Variants in MREG observed in about 807,000 individuals in gnomAD.
MREG encodes the protein dilute suppressor protein homolog.
MREG carries 31 observed loss-of-function variants against 28.5 expected under a neutral mutation model. The ratio of observed to expected loss-of-function variants is 1.09; its 90% CI spans 0.82 to 1.47. The LOEUF (loss-of-function observed/expected upper bound fraction) is 1.47. MREG is among the 40% of genes most tolerant of loss of function. The pLI, the probability that MREG is intolerant of heterozygous loss-of-function variation, is 0.00. For missense variants in MREG, 256 were observed against 257.4 expected (o/e 0.99, Z 0.04); for synonymous variants, 106 against 95.2 (o/e 1.11, Z -0.66).
chr2:216,017,257 T>C (rs958397305), upstream of MREG, among the ~76,000 whole-genome samples: 11 of 152,234 alleles, frequency 7.2e-5, no homozygotes, highest in African/African-American at 2.7e-4. Flanking sequence ...CTTGTTAGTA[T>C]ACTAATACTA....
chr2:216,028,510 A>C (rs1295897988), intron 1 of MREG, among the ~76,000 whole-genome samples: 1 of 143,082 alleles, frequency 7.0e-6, no homozygotes, highest in Admixed American at 7.2e-5. Context: ...CCTGGGCAAC[A>C]CAGCAAGACT....
At chr2:216,000,080 G>A (rs1179425274) in intron 1 of MREG, among the ~76,000 whole-genome samples, 1 of 152,252 alleles carries the variant, frequency 6.6e-6, no homozygotes, top group African/African-American at 2.4e-5. Context: ...TGCAGCCAAT[G>A]ATATGCAACC....
intron 2 of MREG, among the ~76,000 whole-genome samples, chr2:215,974,653 C>T (rs1191613239): frequency 6.6e-6 from 1 of 152,030 alleles, no homozygotes; most frequent in Non-Finnish European, 1.5e-5. Context: ...ACTTTACAGG[C>T]AGGGGAGGGG....
intron 1 of MREG, among the ~76,000 whole-genome samples, chr2:216,010,246 G>C (rs925733252): frequency 6.6e-6 from 1 of 151,978 alleles, no homozygotes; most frequent in Admixed American, 6.6e-5. Context: ...CCAGAAGCTG[G>C]AATCAGTGAA....
chr2:215,943,328 A>G lies in MREG; in HGVS notation c.*1535T>C. 2.2e-6 allele frequency: 1 copy of G among 453,416 alleles called. No individual in the cohort carries two copies. Among genetic ancestry groups the G allele is most frequent in the Non-Finnish European group, 4.4e-6 (1 of 225,034 alleles). 28.1% of individuals were successfully genotyped at this position (453,416 alleles called of 1,614,324 possible). ...GACTTCTCAATCTGTAGAGAGAAGC[A>G]AGCTGCATTCACAGCATTGCTCCCT... On this transcript the variant is annotated 3_prime_UTR_variant, in exon 5 of 5. Transcript: ENST00000263268.
rs1328581809 is a variant in MREG at position 216,022,652 on chromosome 2, TC to T, written c.-68+10136del. Among the ~76,000 whole-genome samples, 6 of 152,320 alleles carry T rather than the reference TC, an allele frequency of 3.9e-5. No homozygotes were observed. The East Asian group carries it at 9.6e-4, about 24-fold the overall frequency. On this transcript the variant is annotated intron_variant, in intron 1 of 3. Coordinates refer to the MREG transcript ENST00000420348. ...CAGCCCCAGAGATGAGATTTGGAAT[TC>T]AACCTCTTCCTACCTCCGGAAGACA... is the stretch of plus-strand genomic sequence containing the variant.
chr2:215,946,498 G>A (rs559945497), intron 3 of MREG, among the ~76,000 whole-genome samples: 10 of 152,006 alleles, frequency 6.6e-5, no homozygotes, highest in Non-Finnish European at 1.2e-4. Flanking sequence ...TCACAATCCC[G>A]GGAGAATTGA....
At chr2:216,000,199 T>C (rs1266546698) in intron 1 of MREG, among the ~76,000 whole-genome samples, 1 of 152,078 alleles carries the variant, frequency 6.6e-6, no homozygotes, top group Non-Finnish European at 1.5e-5. Flanking sequence ...ACTTTGCAGA[T>C]AGGGACAAGA....
chr2:216,005,641 C>T (rs1694133094), intron 1 of MREG, among the ~76,000 whole-genome samples: 1 of 151,588 alleles, frequency 6.6e-6, no homozygotes. Flanking sequence ...TGAGTAGACA[C>T]AGGGTTTCAC....
intron 2 of MREG, among the ~76,000 whole-genome samples, chr2:215,978,163 A>C (rs1693308999): frequency 6.6e-6 from 1 of 152,164 alleles, no homozygotes; most frequent in African/African-American, 2.4e-5. Context: ...AAAAGAGAGA[A>C]GAATCAAATA....
At position 216,013,259 on chromosome 2, in the gene MREG, G is replaced by C. The variant is rs1158905825; in HGVS notation, c.69C>G (p.Ala23=). 1 of 1,549,614 alleles carries C rather than the reference G, an allele frequency of 6.5e-7. No individual in the cohort carries two copies. The highest frequency in any genetic ancestry group is 2.4e-5 in the East Asian group (1 of 40,876). ...CCGCECLEER[A]LPEKEPLVSD... ...TGACGAGGGGCTCCTTCTCAGGCAGGGCGCGCTCCTCCAAGCACTCGCACC... is the reference window on the plus strand; with the variant it reads ...TGACGAGGGGCTCCTTCTCAGGCAGCGCGCGCTCCTCCAAGCACTCGCACC... Residue 23 remains alanine, a synonymous_variant, in exon 1 of 5, where the codon GCC becomes GCG. Transcript: ENST00000263268.
At chr2:215,946,237 TAA>T (rs112515028) in intron 3 of MREG, among the ~76,000 whole-genome samples, 4 of 140,104 alleles carry the variant, frequency 2.9e-5, no homozygotes, top group Admixed American at 7.2e-5. Context: ...TTTCATTGTT[TAA>T]AAAAAAAAAA....
intron 3 of MREG, 143 bp downstream of exon 3, chr2:215,946,880 C>T (rs908682857): frequency 8.2e-6 from 5 of 608,332 alleles, no homozygotes; most frequent in Admixed American, 2.8e-5. Flanking sequence ...GATATAAGAG[C>T]AAGATTGGGA....
chr2:215,972,443 G>C (rs1420029296), intron 2 of MREG, among the ~76,000 whole-genome samples: 1 of 152,126 alleles, frequency 6.6e-6, no homozygotes, highest in Non-Finnish European at 1.5e-5. Context: ...AGGAGTTAGA[G>C]ACCAGCCTAG....
In MREG at chr2:215,943,122, C is replaced by G. The variant is rs1408985114; in HGVS notation, c.*1741G>C. ...TTCAAGTCACAGTCCTCTAAGCAGACTAAATACAAGTTAGTTTTTAACCTG... is the reference window on the plus strand; with the variant it reads ...TTCAAGTCACAGTCCTCTAAGCAGAGTAAATACAAGTTAGTTTTTAACCTG... On this transcript the variant is annotated 3_prime_UTR_variant, in exon 5 of 5. Transcript: ENST00000263268. The G allele has an allele frequency of 4.1e-6, 1 of 243,542 alleles. No homozygotes were observed. Among genetic ancestry groups the G allele is most frequent in the Non-Finnish European group, 8.3e-6 (1 of 119,882 alleles). The allele number at this position is 243,542 out of a possible 1,614,324, so 15.1% of individuals were successfully genotyped here. A position where few individuals can be genotyped will look rare whatever the true frequency, so the allele number is the denominator to read the frequency against.
chr2:215,974,899 C>G (rs1693208900), intron 2 of MREG, among the ~76,000 whole-genome samples: 1 of 150,810 alleles, frequency 6.6e-6, no homozygotes, highest in African/African-American at 2.4e-5. Context: ...CCCACTTTCT[C>G]CAGCACACCC....
intron 2 of MREG, among the ~76,000 whole-genome samples, chr2:215,982,907 C>T (rs1347860179): frequency 6.6e-6 from 1 of 152,152 alleles, no homozygotes; most frequent in Non-Finnish European, 1.5e-5. Flanking sequence ...TGTTGCTTAG[C>T]ATACAGGGTA....
chr2:215,943,627 G>A lies in MREG; in HGVS notation c.*1236C>T. The stretch of plus-strand genomic sequence containing the variant: ...GAGGCTGGGGCAGGCGGATGACGAG[G>A]TCAGGAGATCGAGACCATCGTGGCT... On this transcript the variant is annotated 3_prime_UTR_variant, in exon 5 of 5. Coordinates refer to ENST00000263268, the MANE Select transcript of MREG (RefSeq NM_018000.3). 1 of 390,392 alleles carries A rather than the reference G, an allele frequency of 2.6e-6. No individual in the cohort carries two copies. The highest frequency in any genetic ancestry group is 5.1e-6 in the Non-Finnish European group (1 of 196,738). 24.2% of individuals were successfully genotyped at this position (390,392 alleles called of 1,614,324 possible). A position where few individuals can be genotyped will look rare whatever the true frequency, so the allele number is the denominator to read the frequency against.
chr2:215,999,949 T>C (rs1429680812), intron 1 of MREG, among the ~76,000 whole-genome samples: 2 of 152,134 alleles, frequency 1.3e-5, no homozygotes, highest in Non-Finnish European at 2.9e-5. Context: ...AGAATGGTCT[T>C]ACGGGATTTG....
Sources: gnomAD v4.1 joint callset for allele counts (sites outside exome capture counted in the v4.1 genomes callset) on GRCh38, gnomAD v4.1.1 for gene constraint, MANE v1.5 for transcripts, NCBI Gene and HGNC (gene_info 2026-07-23, HGNC 2026-07-21) for gene names.